Variants in LRRC4C observed in about 807,000 individuals in gnomAD.
LRRC4C encodes the protein leucine rich repeat containing 4C.
A neutral mutation model predicts 33.6 loss-of-function variants in LRRC4C; 5 were observed. The ratio of observed to expected loss-of-function variants is 0.15; its 90% CI spans 0.08 to 0.31. LRRC4C has a LOEUF of 0.31. Among genes scored for constraint, LRRC4C ranks in the 10% least tolerant of loss-of-function variants. The pLI is 1.00. For synonymous variants in LRRC4C, 329 were observed against 302.0 expected (o/e 1.09, Z -0.93); for missense variants, 560 against 796.7 (o/e 0.70, Z 3.58).
chr11:41,351,919 A>G (rs1951998217), intron 1 of LRRC4C, among the ~76,000 whole-genome samples: 4 of 152,198 alleles, frequency 2.6e-5, no homozygotes, highest in Admixed American at 2.6e-4. Flanking sequence ...ACACCACAAT[A>G]AATACACTTC....
At chr11:40,321,455 C>A (rs1482070910) in intron 3 of LRRC4C, among the ~76,000 whole-genome samples, 1 of 152,134 alleles carries the variant, frequency 6.6e-6, no homozygotes, top group Non-Finnish European at 1.5e-5. Context: ...ACAAATTAAG[C>A]TTCATAACTA....
intron 1 of LRRC4C, among the ~76,000 whole-genome samples, chr11:41,160,380 T>TAA (rs61443237): frequency 5.6e-4 from 74 of 132,666 alleles, no homozygotes; most frequent in African/African-American, 1.2e-3. Flanking sequence ...ACCCTCTTTC[T>TAA]AAAAAAAAAA....
At chr11:40,581,434 C>T (rs139259076) in intron 3 of LRRC4C, among the ~76,000 whole-genome samples, 28 of 152,322 alleles carry the variant, frequency 1.8e-4, no homozygotes, top group African/African-American at 6.5e-4. Flanking sequence ...TTTTAAACCT[C>T]GCTCATGTTC....
At chr11:41,124,470 C>CA (rs1565405418) in intron 1 of LRRC4C, among the ~76,000 whole-genome samples, 1 of 152,184 alleles carries the variant, frequency 6.6e-6, no homozygotes, top group African/African-American at 2.4e-5. Flanking sequence ...CTTCGTTCTA[C>CA]AGCACTTGGC....
intron 1 of LRRC4C, among the ~76,000 whole-genome samples, chr11:41,044,119 G>T (rs1315912121): frequency 2.0e-5 from 3 of 152,100 alleles, no homozygotes; most frequent in Non-Finnish European, 4.4e-5. Flanking sequence ...AATTGTGAGT[G>T]TTACATGTTC....
intron 1 of LRRC4C, among the ~76,000 whole-genome samples, chr11:41,059,819 G>A (rs764116395): frequency 6.6e-6 from 1 of 152,106 alleles, no homozygotes; most frequent in Non-Finnish European, 1.5e-5. Context: ...GAGGTCAGGA[G>A]TTTCAGACCA....
intron 3 of LRRC4C, among the ~76,000 whole-genome samples, chr11:40,342,401 G>T (rs1314424811): frequency 1.3e-5 from 2 of 152,086 alleles, no homozygotes; most frequent in African/African-American, 4.8e-5. Context: ...CCCAGGAGGT[G>T]GAGGTTGCAG....
intron 1 of LRRC4C, among the ~76,000 whole-genome samples, chr11:41,021,965 A>G (rs193280283): frequency 0.012 from 1,817 of 151,980 alleles, 36 homozygotes; most frequent in African/African-American, 0.042. Context: ...TTGAAAGAAA[A>G]TCAACTGTTT....
At chr11:41,012,105 T>C (rs1012435821) in intron 1 of LRRC4C, among the ~76,000 whole-genome samples, 4 of 152,116 alleles carry the variant, frequency 2.6e-5, no homozygotes, top group African/African-American at 9.7e-5. Context: ...TATTCTCTTC[T>C]ACCTATTTTG....
intron 3 of LRRC4C, among the ~76,000 whole-genome samples, chr11:40,517,699 C>T (rs1439066211): frequency 6.6e-6 from 1 of 151,716 alleles, no homozygotes; most frequent in Non-Finnish European, 1.5e-5. Flanking sequence ...AGATTCAATG[C>T]TATCCCCATC....
intron 3 of LRRC4C, among the ~76,000 whole-genome samples, chr11:40,381,827 A>AT (rs1948878381): frequency 1.3e-5 from 2 of 152,096 alleles, no homozygotes; most frequent in African/African-American, 4.8e-5. Flanking sequence ...TGGCTTGCAA[A>AT]TATACATTCT....
At chr11:41,361,953 ATAT>A (rs1353922554) in intron 1 of LRRC4C, among the ~76,000 whole-genome samples, 1 of 152,214 alleles carries the variant, frequency 6.6e-6, no homozygotes, top group Non-Finnish European at 1.5e-5. Context: ...CAAATAAATA[ATAT>A]TAATAATTGC....
At chr11:40,329,877 G>A (rs1424693213) in intron 3 of LRRC4C, among the ~76,000 whole-genome samples, 2 of 151,684 alleles carry the variant, frequency 1.3e-5, no homozygotes, top group African/African-American at 4.9e-5. Context: ...GAGTAGCTGC[G>A]ACTACAGGCA....
chr11:41,329,511 T>A (rs1378626062), intron 1 of LRRC4C, among the ~76,000 whole-genome samples: 1 of 152,240 alleles, frequency 6.6e-6, no homozygotes, highest in African/African-American at 2.4e-5. Context: ...CTCTAATCCT[T>A]CTTTTCCCTC....
chr11:40,518,868 G>T (rs1955682610), intron 3 of LRRC4C, among the ~76,000 whole-genome samples: 1 of 152,130 alleles, frequency 6.6e-6, no homozygotes, highest in South Asian at 2.1e-4. Flanking sequence ...TGATTGACTG[G>T]ATAAAGAAAA....
rs112443352 is a variant in LRRC4C at position 40,126,164 on chromosome 11, G to GAAA, written c.-42-9833_-42-9831dup. On this transcript the variant is annotated intron_variant, in intron 6 of 6. Coordinates refer to ENST00000528697, the MANE Select transcript of LRRC4C (RefSeq NM_001258419.2). ...TAAAATTTCAGAAGTTGAGATTTAC[G>GAAA]AAAAAAAAAAAAACCCACCTGACTC... Among the ~76,000 whole-genome samples, 123 of 137,090 alleles carry GAAA rather than the reference G, an allele frequency of 9.0e-4. 1 individual carries two copies. In the South Asian group the frequency reaches 0.012, roughly 13 times the overall value. The allele number at this position is 137,090 out of a possible 152,430, so 89.9% of individuals were successfully genotyped here.
At chr11:41,305,871 C>T (rs28431264) in intron 1 of LRRC4C, among the ~76,000 whole-genome samples, 22,483 of 132,484 alleles carry the variant, frequency 0.17, 2,474 homozygotes, top group East Asian at 0.43. Flanking sequence ...CCAAATCCCC[C>T]TCTGTGAGAA....
In LRRC4C at chr11:40,848,094, T is replaced by A. The variant is rs553775285; in HGVS notation, c.-407+85541A>T. Among the ~76,000 whole-genome samples the A allele has an allele frequency of 2.2e-3, 334 of 151,246 alleles. 1 individual carries two copies. Among genetic ancestry groups the A allele is most frequent in the African/African-American group, 3.1e-3 (127 of 41,354 alleles). The stretch of plus-strand genomic sequence containing the variant: ...TGGTCTATCTATCTATCTTTTTTTT[T>A]AAAAAAAGCCCCTGGATTGATTTTT... On this transcript the variant is annotated intron_variant, in intron 2 of 6. Transcript: ENST00000528697.
At chr11:41,143,886 T>C (rs937107433) in intron 1 of LRRC4C, among the ~76,000 whole-genome samples, 5 of 152,226 alleles carry the variant, frequency 3.3e-5, no homozygotes, top group African/African-American at 9.6e-5. Context: ...GGCATATTCC[T>C]GGTCAAAGTC....
Sources: allele counts gnomAD v4.1 joint callset (sites outside exome capture counted in the v4.1 genomes callset), GRCh38; gene constraint gnomAD v4.1.1; transcripts MANE v1.5; gene names NCBI Gene and HGNC (gene_info 2026-07-23, HGNC 2026-07-21).